WWOX: variants seen among roughly 807,000 people sequenced by gnomAD.
WWOX encodes the protein WW domain-containing oxidoreductase.
In WWOX, 69 loss-of-function variants were observed where a neutral mutation model predicts 46.2. That is an observed-to-expected ratio of 1.49 (90% CI 1.23 to 1.82). The LOEUF is 1.82. Ranked by LOEUF, WWOX falls within the 40% of genes most tolerant of loss-of-function variation. The pLI, the probability that WWOX is intolerant of heterozygous loss-of-function variation, is 0.00. For missense variants in WWOX, 919 were observed against 542.6 expected (o/e 1.69, Z -6.89); for synonymous variants, 359 against 202.6 (o/e 1.77, Z -6.56).
At chr16:78,719,632 G>C (rs1205336514) in intron 8 of WWOX, among the ~76,000 whole-genome samples, 1 of 152,184 alleles carries the variant, frequency 6.6e-6, no homozygotes, top group African/African-American at 2.4e-5. Context: ...AAGCTAGTCA[G>C]GTAAGTTAGA....
At chr16:79,121,669 C>G (rs2049634418) in intron 8 of WWOX, among the ~76,000 whole-genome samples, 1 of 152,166 alleles carries the variant, frequency 6.6e-6, no homozygotes, top group Admixed American at 6.5e-5. Context: ...GGGGCATGCG[C>G]CAAGGGAAGC....
intron 8 of WWOX, among the ~76,000 whole-genome samples, chr16:78,703,151 G>A (rs978011396): frequency 1.3e-5 from 2 of 152,094 alleles, no homozygotes; most frequent in Admixed American, 6.5e-5. Flanking sequence ...GAGAGGGAGG[G>A]GTGGTCGTGA....
intron 6 of WWOX, among the ~76,000 whole-genome samples, chr16:78,408,251 C>G (rs941041977): frequency 3.3e-5 from 5 of 152,290 alleles, no homozygotes; most frequent in Admixed American, 1.3e-4. Flanking sequence ...CTGCCCTTCC[C>G]TAACTGGTTT....
intron 8 of WWOX, among the ~76,000 whole-genome samples, chr16:78,727,346 C>G (rs1008430553): frequency 1.3e-5 from 2 of 152,190 alleles, no homozygotes; most frequent in Non-Finnish European, 1.5e-5. Context: ...TTTCAGTGAG[C>G]TGAGATCCAG....
At chr16:78,656,894 G>T (rs768996599) in intron 8 of WWOX, among the ~76,000 whole-genome samples, 1 of 152,274 alleles carries the variant, frequency 6.6e-6, no homozygotes, top group Non-Finnish European at 1.5e-5. Flanking sequence ...ATACACAGCC[G>T]CTCTGTTTAG....
At position 78,578,279 on chromosome 16, in the gene WWOX, TA is replaced by T. The variant is rs1456404457; in HGVS notation, c.1056+145528del. ...TTATATATATATATATATATATATATATATATTTTTTTTTTTTTTTTTTTTT... is the reference window on the plus strand; with the variant it reads ...TTATATATATATATATATATATATATTATATTTTTTTTTTTTTTTTTTTTT... On this transcript the variant is annotated intron_variant, in intron 8 of 8. Transcript: ENST00000566780. 2.6e-3 allele frequency among the ~76,000 whole-genome samples: 134 copies of T among 51,874 alleles called. 3 individuals carry two copies. The highest frequency in any genetic ancestry group is 8.3e-3 in the African/African-American group (111 of 13,434). 34.0% of individuals were successfully genotyped at this position (51,874 alleles called of 152,430 possible).
chr16:79,074,128 G>C (rs1334650849), intron 8 of WWOX, among the ~76,000 whole-genome samples: 1 of 152,076 alleles, frequency 6.6e-6, no homozygotes, highest in Admixed American at 6.6e-5. Flanking sequence ...CTAGAATGTT[G>C]ACGTTAAAGC....
intron 8 of WWOX, among the ~76,000 whole-genome samples, chr16:78,818,887 A>T (rs1275167242): frequency 6.6e-6 from 1 of 152,228 alleles, no homozygotes; most frequent in Non-Finnish European, 1.5e-5. Flanking sequence ...TGTAAAGTGG[A>T]GGTTAAGTGT....
intron 8 of WWOX, among the ~76,000 whole-genome samples, chr16:78,566,170 A>G (rs1244982512): frequency 6.6e-6 from 1 of 151,990 alleles, no homozygotes; most frequent in Non-Finnish European, 1.5e-5. Flanking sequence ...TCTTATAAGG[A>G]TACTAATCCC....
At chr16:78,923,428 T>A (rs1031878501) in intron 8 of WWOX, among the ~76,000 whole-genome samples, 1 of 152,194 alleles carries the variant, frequency 6.6e-6, no homozygotes, top group Non-Finnish European at 1.5e-5. Flanking sequence ...AGGTCCAGCC[T>A]GCTATTTTTT....
At position 79,008,773 on chromosome 16, in the gene WWOX, C is replaced by G. The variant is rs185231914; in HGVS notation, c.1057-202835C>G. The stretch of plus-strand genomic sequence containing the variant: ...GGTTTCAGCAAACAAAGGGAGATCA[C>G]AGCACCTGTCCCAGGCCTTGTCTTC... On this transcript the variant is annotated intron_variant, in intron 8 of 8. Coordinates refer to ENST00000566780, the MANE Select transcript of WWOX (RefSeq NM_016373.4). Among the ~76,000 whole-genome samples the G allele has an allele frequency of 2.8e-4, 42 of 152,330 alleles. No individual in the cohort carries two copies. In the East Asian group the frequency reaches 7.7e-3, roughly 28 times the overall value.
intron 8 of WWOX, among the ~76,000 whole-genome samples, chr16:78,918,985 T>A (rs1173098048): frequency 3.2e-4 from 49 of 152,256 alleles, no homozygotes; most frequent in Non-Finnish European, 5.9e-5. Flanking sequence ...AAAAAAGAAC[T>A]TTCAGGTGGA....
intron 8 of WWOX, among the ~76,000 whole-genome samples, chr16:78,568,599 C>G (rs2044635982): frequency 6.6e-6 from 1 of 151,758 alleles, no homozygotes; most frequent in Admixed American, 6.6e-5. Flanking sequence ...CCTTAGCCTC[C>G]CGAGTAGCTG....
At chr16:78,674,236 G>T (rs1479760734) in intron 8 of WWOX, among the ~76,000 whole-genome samples, 1 of 151,370 alleles carries the variant, frequency 6.6e-6, no homozygotes, top group African/African-American at 2.4e-5. Context: ...TAAGAGAGAT[G>T]TGGGGAAGCA....
At chr16:78,683,739 G>T (rs1567488388) in intron 8 of WWOX, among the ~76,000 whole-genome samples, 1 of 152,048 alleles carries the variant, frequency 6.6e-6, no homozygotes, top group Non-Finnish European at 1.5e-5. Context: ...GTGGTCTTCA[G>T]GGACTTGTGG....
intron 8 of WWOX, among the ~76,000 whole-genome samples, chr16:78,697,092 T>A (rs1161977530): frequency 6.6e-6 from 1 of 152,198 alleles, no homozygotes; most frequent in Non-Finnish European, 1.5e-5. Flanking sequence ...AATTTCACAT[T>A]TTTGCAATTG....
chr16:78,299,678 C>G (rs545251896), intron 5 of WWOX, among the ~76,000 whole-genome samples: 7 of 152,052 alleles, frequency 4.6e-5, no homozygotes, highest in African/African-American at 1.7e-4. Flanking sequence ...CAAGGTTGTG[C>G]CACCATGCCC....
At chr16:78,672,138 C>A (rs1180013499) in intron 8 of WWOX, among the ~76,000 whole-genome samples, 3 of 152,130 alleles carry the variant, frequency 2.0e-5, no homozygotes, top group Non-Finnish European at 2.9e-5. Flanking sequence ...GCAGCAAATA[C>A]CTTTAAATGA....
At chr16:78,256,218 A>C (rs1440829979) in intron 5 of WWOX, among the ~76,000 whole-genome samples, 2 of 150,772 alleles carry the variant, frequency 1.3e-5, no homozygotes, top group African/African-American at 4.9e-5. Flanking sequence ...AAGTGAGCAC[A>C]CTTCAGACTT....
Sources: gnomAD v4.1 joint callset for allele counts (sites outside exome capture counted in the v4.1 genomes callset) on GRCh38, gnomAD v4.1.1 for gene constraint, MANE v1.5 for transcripts, NCBI Gene and HGNC (gene_info 2026-07-23, HGNC 2026-07-21) for gene names.